Variants in STK32B observed in about 807,000 individuals in gnomAD.
STK32B encodes serine/threonine kinase 32B.
In STK32B, 43 loss-of-function variants were observed where a neutral mutation model predicts 52.6. The ratio of observed to expected loss-of-function variants is 0.82; its 90% CI spans 0.64 to 1.05. The LOEUF is 1.05. Ranked by LOEUF, STK32B falls within the 50% of genes least tolerant of loss-of-function variation. The pLI, the probability that STK32B is intolerant of heterozygous loss-of-function variation, is 0.00. For missense variants in STK32B, 621 were observed against 534.6 expected (o/e 1.16, Z -1.59); for synonymous variants, 238 against 204.3 (o/e 1.17, Z -1.41).
At chr4:5,441,442 A>G (rs200889194) in intron 6 of STK32B, among the ~76,000 whole-genome samples, 7,455 of 141,682 alleles carry the variant, frequency 0.053, 232 homozygotes, top group East Asian at 0.21. Flanking sequence ...CTGTGGGATC[A>G]GTGGTGATAT....
chr4:5,446,549 T>C (rs1715438736), intron 6 of STK32B, 124 bp from the exon 7 acceptor site: 1 of 796,426 alleles, frequency 1.3e-6, no homozygotes, highest in African/African-American at 1.8e-5. Flanking sequence ...AGAGCAAAAC[T>C]CTATCTCAAA....
chr4:5,271,135 A>T (rs1727401916), intron 3 of STK32B, among the ~76,000 whole-genome samples: 1 of 152,046 alleles, frequency 6.6e-6, no homozygotes, highest in Non-Finnish European at 1.5e-5. Context: ...ATGGGGTTTC[A>T]CCATGTTGGC....
chr4:5,353,521 A>G (rs1733975435), intron 4 of STK32B, among the ~76,000 whole-genome samples: 1 of 150,984 alleles, frequency 6.6e-6, no homozygotes, highest in Non-Finnish European at 1.5e-5. Context: ...ACTAATATCC[A>G]GAGTATACAA....
At chr4:5,259,059 A>G (rs890400009) in intron 3 of STK32B, among the ~76,000 whole-genome samples, 4 of 151,876 alleles carry the variant, frequency 2.6e-5, no homozygotes, top group Non-Finnish European at 5.9e-5. Context: ...TTACATGACA[A>G]CCTCCCTTTC....
the STK32B span, among the ~76,000 whole-genome samples, chr4:5,033,441 C>T: frequency 6.6e-6 from 1 of 152,224 alleles, no homozygotes; most frequent in Non-Finnish European, 1.5e-5. Flanking sequence ...GTAGCCAACA[C>T]ACACCCCAGG....
At chr4:5,254,475 C>T (rs1257260461) in intron 3 of STK32B, among the ~76,000 whole-genome samples, 1 of 152,008 alleles carries the variant, frequency 6.6e-6, no homozygotes, top group Non-Finnish European at 1.5e-5. Context: ...TACATACATA[C>T]ATTGTTGATT....
intron 8 of STK32B, among the ~76,000 whole-genome samples, chr4:5,457,131 C>G (rs3815191): frequency 0.21 from 32,065 of 151,650 alleles, 3,793 homozygotes; most frequent in East Asian, 0.41. Flanking sequence ...TGTGGCGGCT[C>G]TGACCGCAAG....
chr4:5,183,545 A>G (rs1335056271), intron 3 of STK32B, among the ~76,000 whole-genome samples: 1 of 152,188 alleles, frequency 6.6e-6, no homozygotes, highest in African/African-American at 2.4e-5. Context: ...TAGATGTTAA[A>G]GTCCTAGATG....
intron 4 of STK32B, among the ~76,000 whole-genome samples, chr4:5,353,066 T>A (rs1733939601): frequency 6.6e-6 from 1 of 151,902 alleles, no homozygotes; most frequent in African/African-American, 2.4e-5. Flanking sequence ...GACACATAGA[T>A]CAATGGGAAA....
chr4:5,236,196 T>C (rs1724624747), intron 3 of STK32B, among the ~76,000 whole-genome samples: 1 of 152,134 alleles, frequency 6.6e-6, no homozygotes, highest in African/African-American at 2.4e-5. Context: ...TCCATGTGTC[T>C]CCCAGTCACT....
chr4:5,310,366 A>C (rs1730213625), intron 3 of STK32B, among the ~76,000 whole-genome samples: 1 of 152,206 alleles, frequency 6.6e-6, no homozygotes, highest in Admixed American at 6.5e-5. Flanking sequence ...AATCTGATTT[A>C]AAAATGGCAA....
At chr4:5,100,761 C>CA (rs2108793490) in intron 1 of STK32B, among the ~76,000 whole-genome samples, 1 of 113,980 alleles carries the variant, frequency 8.8e-6, no homozygotes, top group South Asian at 3.7e-4. Flanking sequence ...TCCCTCCCTC[C>CA]TCCCTCCCTC....
intron 3 of STK32B, among the ~76,000 whole-genome samples, chr4:5,195,963 A>G (rs1195919235): frequency 6.6e-6 from 1 of 152,246 alleles, no homozygotes; most frequent in Non-Finnish European, 1.5e-5. Flanking sequence ...CATATATATG[A>G]AACTTACATG....
At chr4:5,190,033 C>T (rs188519083) in intron 3 of STK32B, among the ~76,000 whole-genome samples, 2 of 152,216 alleles carry the variant, frequency 1.3e-5, no homozygotes, top group South Asian at 2.1e-4. Flanking sequence ...ATGTGGAGAG[C>T]GTACATGATC....
chr4:5,028,437 C>T, the STK32B span, among the ~76,000 whole-genome samples: 1 of 152,250 alleles, frequency 6.6e-6, no homozygotes, highest in Non-Finnish European at 1.5e-5. Flanking sequence ...CTTGAAGTTA[C>T]ATACAGCAAC....
At chr4:5,356,462 A>T (rs1415939231) in intron 4 of STK32B, among the ~76,000 whole-genome samples, 1 of 152,200 alleles carries the variant, frequency 6.6e-6, no homozygotes, top group Non-Finnish European at 1.5e-5. Context: ...CATTCAGCCC[A>T]CTACAATCAT....
chr4:5,425,283 G>A (rs1340188442), intron 6 of STK32B, among the ~76,000 whole-genome samples: 1 of 152,170 alleles, frequency 6.6e-6, no homozygotes, highest in Non-Finnish European at 1.5e-5. Flanking sequence ...TCTGGTTGGT[G>A]AAGCAACACC....
intron 6 of STK32B, among the ~76,000 whole-genome samples, chr4:5,420,647 G>A (rs1433554374): frequency 1.3e-5 from 2 of 152,152 alleles, no homozygotes; most frequent in African/African-American, 4.8e-5. Context: ...GAGGATGCAG[G>A]AAGGCAGAGA....
intron 2 of STK32B, among the ~76,000 whole-genome samples, chr4:5,155,346 C>T (rs1717728895): frequency 6.6e-6 from 1 of 152,200 alleles, no homozygotes; most frequent in Admixed American, 6.5e-5. Flanking sequence ...TTATGGGTCT[C>T]ATGCACCAGA....
Sources: allele counts gnomAD v4.1 joint callset (sites outside exome capture counted in the v4.1 genomes callset), GRCh38; gene constraint gnomAD v4.1.1; transcripts MANE v1.5; gene names NCBI Gene and HGNC (gene_info 2026-07-23, HGNC 2026-07-21).